Variants in MAST2 observed in about 807,000 individuals in gnomAD.
MAST2 encodes microtubule-associated serine/threonine-protein kinase 2.
In MAST2, 70 loss-of-function variants were observed where a neutral mutation model predicts 147.4. The observed-to-expected ratio is 0.47, with a 90% CI of 0.39 to 0.58. The LOEUF is 0.58. Among genes scored for constraint, MAST2 ranks in the 20% least tolerant of loss-of-function variants. The pLI, the probability that MAST2 is intolerant of heterozygous loss-of-function variation, is 0.00. For synonymous variants in MAST2, 869 were observed against 896.8 expected (o/e 0.97, Z 0.55); for missense variants, 2,080 against 2,302.3 (o/e 0.90, Z 1.98).
At position 46,031,311 on chromosome 1, in the gene MAST2, A is replaced by G; in HGVS notation, c.2992+21A>G. ...TCCAGGTATGGCCCAGTGGGCGGCC[A>G]AACGACCTAAGCTGGAGGATACTGC... On this transcript the variant is annotated intron_variant, in intron 23 of 28. Transcript: ENST00000361297. The surrounding 1 kb of genome is among the most constrained non-coding windows in gnomAD (Gnocchi z 4.1). The G allele has an allele frequency of 6.5e-7, 1 of 1,543,030 alleles. No individual in the cohort carries two copies. The highest frequency in any genetic ancestry group is 8.8e-7 in the Non-Finnish European group (1 of 1,141,282).
Position 46,022,005 on chromosome 1 carries a change from A to G in MAST2, c.1346A>G (p.Lys449Arg), listed in dbSNP as rs771356490. Reference protein sequence around the residue: ...HLLEAAEGHAKEGQGIKCDIP... With the variant: ...HLLEAAEGHAREGQGIKCDIP... ...TTAGAAGCAGCTGAGGGCCACGCCA[A>G]AGAGGGACAAGGGATTAAATGTGAC... is the stretch of plus-strand genomic sequence containing the variant. The change falls in exon 12 of 29, where the codon AAA becomes AGA. Residue 449 changes from lysine (K) to arginine (R), a missense_variant. Physicochemically the swap from Lys to Arg is conservative, Grantham distance 26. Transcript: ENST00000361297. The G allele has an allele frequency of 2.5e-6, 4 of 1,614,206 alleles. No individual in the cohort carries two copies. The South Asian group carries it at 3.3e-5, about 13-fold the overall frequency.
intron 12 of MAST2, 111 bp downstream of exon 12, chr1:46,022,193 C>T (rs1008091997): frequency 7.2e-7 from 1 of 1,380,526 alleles, no homozygotes; most frequent in Non-Finnish European, 9.9e-7. Context: ...CACAACATGG[C>T]CCCGGGGGCC....
At chr1:45,917,710 G>A (rs1430236168) in intron 4 of MAST2, among the ~76,000 whole-genome samples, 3 of 152,190 alleles carry the variant, frequency 2.0e-5, no homozygotes, top group Admixed American at 1.3e-4. Flanking sequence ...GGAGAAAGGA[G>A]GGTAGGTTAT....
rs904369532 is a variant in MAST2 at position 46,015,594 on chromosome 1, C to T, written c.1189-4002C>T. On this transcript the variant is annotated intron_variant, in intron 10 of 28. Transcript: ENST00000361297. ...ATCTAGAAGAAATGGATAAATTCCT[C>T]GACACATACACCCTCCCAAGACTAA... Among the ~76,000 whole-genome samples the T allele has an allele frequency of 4.3e-4, 66 of 152,102 alleles. 1 individual carries two copies. Among genetic ancestry groups the T allele is most frequent in the East Asian group, 2.3e-3 (12 of 5,164 alleles).
intron 4 of MAST2, among the ~76,000 whole-genome samples, chr1:45,929,173 A>G (rs1447573246): frequency 1.3e-5 from 2 of 152,190 alleles, no homozygotes; most frequent in East Asian, 1.9e-4. Context: ...CCTTCCCTTT[A>G]TTAACTACAG....
intron 4 of MAST2, among the ~76,000 whole-genome samples, chr1:45,907,764 C>A (rs1393346740): frequency 6.6e-6 from 1 of 152,118 alleles, no homozygotes; most frequent in East Asian, 1.9e-4. Context: ...GTTCTACTTT[C>A]TTTTTCTATG....
chr1:45,886,313 TACACACACACACACAC>T (rs56032969), intron 4 of MAST2, among the ~76,000 whole-genome samples: 3 of 145,588 alleles, frequency 2.1e-5, no homozygotes, highest in African/African-American at 7.5e-5. Flanking sequence ...TATCTATAAG[TACACACACACACACAC>T]ACACACACAC....
intron 4 of MAST2, among the ~76,000 whole-genome samples, chr1:45,893,656 G>T (rs1347725735): frequency 2.0e-5 from 3 of 151,418 alleles, no homozygotes; most frequent in Non-Finnish European, 4.4e-5. Flanking sequence ...ATCTGGCAGA[G>T]TTCTGTCAGG....
At chr1:45,987,762 GTTTTTTTTTTTTTGATTTTT>G (rs1644688808) in intron 5 of MAST2, among the ~76,000 whole-genome samples, 1 of 62,734 alleles carries the variant, frequency 1.6e-5, no homozygotes, top group Non-Finnish European at 2.8e-5. Context: ...AGCATTTCTT[GTTTTTTTTTTTTTGATTTTT>G]TTTTTTTTTT....
intron 3 of MAST2, among the ~76,000 whole-genome samples, chr1:45,854,207 C>A (rs1428475823): frequency 6.6e-6 from 1 of 151,968 alleles, no homozygotes; most frequent in Non-Finnish European, 1.5e-5. Flanking sequence ...AGTGATGGTT[C>A]ATGCCTGTAA....
At chr1:45,836,141 C>A (rs1645095736) in intron 3 of MAST2, among the ~76,000 whole-genome samples, 1 of 152,158 alleles carries the variant, frequency 6.6e-6, no homozygotes, top group African/African-American at 2.4e-5. Flanking sequence ...TTGGATGATA[C>A]AGTAATTCTT....
intron 3 of MAST2, among the ~76,000 whole-genome samples, chr1:45,850,808 A>G (rs1026268733): frequency 2.3e-5 from 3 of 131,960 alleles, no homozygotes; most frequent in Admixed American, 7.5e-5. Flanking sequence ...CTATAGGTCT[A>G]TGTGTCTGCT....
chr1:45,811,338 A>ATTTTTTTTT (rs57495413), intron 1 of MAST2, among the ~76,000 whole-genome samples: 22 of 112,944 alleles, frequency 1.9e-4, no homozygotes, highest in Non-Finnish European at 3.3e-4. Context: ...GTATTTTTGT[A>ATTTTTTTTT]TTTTTTTTTT....
intron 4 of MAST2, among the ~76,000 whole-genome samples, chr1:45,927,037 GGGA>G (rs1299073517): frequency 6.6e-6 from 1 of 152,144 alleles, no homozygotes; most frequent in African/African-American, 2.4e-5. Flanking sequence ...GGGTGTCCGG[GGGA>G]GACATCACAC....
intron 4 of MAST2, among the ~76,000 whole-genome samples, chr1:45,958,111 G>C (rs1278917181): frequency 2.0e-5 from 3 of 152,116 alleles, no homozygotes. Context: ...ATTCCATGGT[G>C]ACTGAGGTAG....
chr1:45,880,461 A>C (rs926162820), intron 3 of MAST2, among the ~76,000 whole-genome samples: 1 of 152,198 alleles, frequency 6.6e-6, no homozygotes, highest in African/African-American at 2.4e-5. Flanking sequence ...ATTGATGGAC[A>C]TGTTCTATAT....
chr1:45,908,194 T>G (rs1283858589), intron 4 of MAST2, among the ~76,000 whole-genome samples: 1 of 152,190 alleles, frequency 6.6e-6, no homozygotes, highest in Admixed American at 6.5e-5. Context: ...CTTTTAAGTT[T>G]TTTTAAATTG....
rs10660375 is a variant in MAST2, at chr1:45,880,966, CAAAAAA to C, written c.469-1387_469-1382del. On this transcript the variant is annotated intron_variant, in intron 3 of 28. Coordinates refer to ENST00000361297, the MANE Select transcript of MAST2 (RefSeq NM_015112.3). ...TGGGTGACAGCGTGAGACTCCATCT[CAAAAAA>C]AAAAAAAAAAGAAAAGAAAAAAGCA... is the stretch of plus-strand genomic sequence containing the variant. Among the ~76,000 whole-genome samples, 21 of 89,868 alleles carry C rather than the reference CAAAAAA, an allele frequency of 2.3e-4. No homozygotes were observed. The South Asian group carries it at 7.5e-3, about 32-fold the overall frequency. The allele number at this position is 89,868 out of a possible 152,430, so 59.0% of individuals were successfully genotyped here.
At chr1:45,872,572 CT>C (rs1386648390) in intron 3 of MAST2, among the ~76,000 whole-genome samples, 2 of 151,464 alleles carry the variant, frequency 1.3e-5, no homozygotes, top group Admixed American at 1.3e-4. Flanking sequence ...CCTCCACTTG[CT>C]GGGTTCAAGA....
Sources: allele counts gnomAD v4.1 joint callset (sites outside exome capture counted in the v4.1 genomes callset), GRCh38; gene constraint gnomAD v4.1.1; non-coding constraint Gnocchi (gnomAD v3.1); transcripts MANE v1.5; gene names NCBI Gene and HGNC (gene_info 2026-07-23, HGNC 2026-07-21).